DTNA: variants seen among roughly 807,000 people sequenced by gnomAD.
DTNA encodes dystrobrevin alpha.
In DTNA, 43 loss-of-function variants were observed where a neutral mutation model predicts 100.7. That is an observed-to-expected ratio of 0.43 (90% CI 0.33 to 0.55). DTNA has a LOEUF of 0.55. Ranked by LOEUF, DTNA falls within the 20% of genes least tolerant of loss-of-function variation. The probability of loss-of-function intolerance (pLI) is 0.04; values close to 1 mark genes in which losing one functional copy is unlikely to be tolerated. For synonymous variants in DTNA, 349 were observed against 347.9 expected (o/e 1.00, Z -0.04); for missense variants, 798 against 953.9 (o/e 0.84, Z 2.15).
chr18:34,670,647 A>G (rs1229801987), intron 1 of DTNA, among the ~76,000 whole-genome samples: 1 of 151,894 alleles, frequency 6.6e-6, no homozygotes, highest in Non-Finnish European at 1.5e-5. Context: ...AACAGTCAGG[A>G]CCCTCAGCTG....
intron 1 of DTNA, among the ~76,000 whole-genome samples, chr18:34,542,941 G>A (rs2044390224): frequency 6.6e-6 from 1 of 151,690 alleles, no homozygotes; most frequent in South Asian, 2.1e-4. Context: ...TCATACTAAT[G>A]AAAAGTCCAG....
chr18:34,769,724 G>GTTTTTTTTTTTTTTTTTTTTTTT (rs1264439291), intron 3 of DTNA, among the ~76,000 whole-genome samples: 2 of 41,414 alleles, frequency 4.8e-5, no homozygotes, highest in Non-Finnish European at 6.6e-5. Context: ...GCCCTCTGGG[G>GTTTTTTTTTTTTTTTTTTTTTTT]CTTTTTTTTT....
chr18:34,774,380 A>C (rs764650736), intron 3 of DTNA, among the ~76,000 whole-genome samples: 2 of 152,244 alleles, frequency 1.3e-5, no homozygotes, highest in African/African-American at 2.4e-5. Flanking sequence ...AACAGAAGTC[A>C]GTCGGGAGGA....
At chr18:34,632,343 G>A (rs999400549) in intron 1 of DTNA, among the ~76,000 whole-genome samples, 2 of 152,142 alleles carry the variant, frequency 1.3e-5, no homozygotes, top group Admixed American at 6.6e-5. Flanking sequence ...GGATCATTTA[G>A]CAAGCAAGTC....
In DTNA at chr18:34,888,908, A is replaced by C. The variant is rs902388314; in HGVS notation, c.*1174A>C. The C allele has an allele frequency of 1.0e-6, 1 of 985,904 alleles. No homozygotes were observed. Among genetic ancestry groups the C allele is most frequent in the African/African-American group, 1.7e-5 (1 of 57,348 alleles). The allele number at this position is 985,904 out of a possible 1,614,324, so 61.1% of individuals were successfully genotyped here. On this transcript the variant is annotated 3_prime_UTR_variant, in exon 23 of 23. Transcript: ENST00000444659. ...CTTAGCTGGCCACCTGGTGTTCTGC[A>C]TGTAGCCTTCTGTGGTCATGTGAAA...
intron 17 of DTNA, among the ~76,000 whole-genome samples, chr18:34,864,470 G>A (rs1358476318): frequency 6.6e-6 from 1 of 151,784 alleles, no homozygotes. Flanking sequence ...AGCCAGGATG[G>A]TCTCGATCTC....
chr18:34,855,199 T>A (rs1900992678), intron 15 of DTNA, among the ~76,000 whole-genome samples: 1 of 152,158 alleles, frequency 6.6e-6, no homozygotes, highest in Admixed American at 6.5e-5. Context: ...AAGAATAAAA[T>A]GAAAACATCA....
intron 1 of DTNA, among the ~76,000 whole-genome samples, chr18:34,731,594 A>C (rs2147333922): frequency 6.6e-6 from 1 of 152,300 alleles, no homozygotes; most frequent in Non-Finnish European, 1.5e-5. Context: ...GATGATGATG[A>C]TTCTGTATTG....
intron 1 of DTNA, among the ~76,000 whole-genome samples, chr18:34,553,733 A>G (rs984518817): frequency 4.0e-5 from 6 of 151,702 alleles, no homozygotes; most frequent in Non-Finnish European, 7.4e-5. Flanking sequence ...TGTTCCATTG[A>G]TCTATATCTC....
intron 1 of DTNA, among the ~76,000 whole-genome samples, chr18:34,539,399 A>T (rs62097177): frequency 0.02 from 3,068 of 152,118 alleles, 45 homozygotes; most frequent in Non-Finnish European, 0.031. Context: ...GTACTCTCAG[A>T]TGTCCACTGG....
intron 1 of DTNA, among the ~76,000 whole-genome samples, chr18:34,614,079 G>A (rs1234467249): frequency 1.3e-5 from 2 of 152,146 alleles, no homozygotes; most frequent in Non-Finnish European, 2.9e-5. Flanking sequence ...AAGACCCTAG[G>A]TCCCATCAGA....
At chr18:34,792,099 T>C (rs1328864170) in intron 3 of DTNA, among the ~76,000 whole-genome samples, 1 of 152,214 alleles carries the variant, frequency 6.6e-6, no homozygotes, top group Non-Finnish European at 1.5e-5. Flanking sequence ...TGTTGTTTTT[T>C]TTTTTTTAGT....
At chr18:34,739,137 C>G (rs1332186189) in intron 1 of DTNA, among the ~76,000 whole-genome samples, 1 of 152,104 alleles carries the variant, frequency 6.6e-6, no homozygotes, top group Non-Finnish European at 1.5e-5. Context: ...GCTTTTTAAA[C>G]TAAAATATGC....
At chr18:34,695,726 G>T (rs1361124721) in intron 1 of DTNA, among the ~76,000 whole-genome samples, 1 of 152,134 alleles carries the variant, frequency 6.6e-6, no homozygotes, top group Non-Finnish European at 1.5e-5. Flanking sequence ...GGAGTTTGGG[G>T]AATGACCATG....
chr18:34,626,167 GTTA>G (rs1375088504), intron 1 of DTNA, among the ~76,000 whole-genome samples: 1 of 152,154 alleles, frequency 6.6e-6, no homozygotes, highest in Non-Finnish European at 1.5e-5. Context: ...TACAATGAAT[GTTA>G]TTATTACATC....
chr18:34,843,872 T>G (rs1461700530), intron 13 of DTNA, among the ~76,000 whole-genome samples: 1 of 152,154 alleles, frequency 6.6e-6, no homozygotes, highest in Non-Finnish European at 1.5e-5. Context: ...TTGAAAAATG[T>G]GAGTTTATTG....
At chr18:34,745,632 G>C (rs949039673) in intron 1 of DTNA, among the ~76,000 whole-genome samples, 1 of 152,154 alleles carries the variant, frequency 6.6e-6, no homozygotes, top group Non-Finnish European at 1.5e-5. Flanking sequence ...CACCTTCACT[G>C]TTCCACCTTA....
Position 34,890,437 on chromosome 18 carries a change from C to G in DTNA, c.*2703C>G. The G allele has an allele frequency of 6.5e-7, 1 of 1,536,128 alleles. No homozygotes were observed. On this transcript the variant is annotated 3_prime_UTR_variant, in exon 23 of 23. Coordinates refer to ENST00000444659, the MANE Select transcript of DTNA (RefSeq NM_001386795.1). ...TCCAGATTTACTTTTGGGGCCTGTT[C>G]TAAGTGCAAACCCAGCAAGTTTCAC...
At position 34,600,254 on chromosome 18, in the gene DTNA, AAC is replaced by A. The variant is rs577908634; in HGVS notation, c.-2+106744_-2+106745del. ...TAATTAAATCTTAATATAAAATAGA[AAC>A]ACATTTATTTGCATAAATAAAACTG... On this transcript the variant is annotated intron_variant, in intron 1 of 19. Coordinates refer to the DTNA transcript ENST00000283365. 2.6e-3 allele frequency among the ~76,000 whole-genome samples: 394 copies of A among 152,328 alleles called. 2 individuals carry two copies. Among genetic ancestry groups the A allele is most frequent in the Non-Finnish European group, 4.2e-3 (285 of 68,020 alleles).
Sources: allele counts gnomAD v4.1 joint callset (sites outside exome capture counted in the v4.1 genomes callset), GRCh38; gene constraint gnomAD v4.1.1; transcripts MANE v1.5; gene names NCBI Gene and HGNC (gene_info 2026-07-23, HGNC 2026-07-21).